Variants in DRC11 observed in about 807,000 individuals in gnomAD.
The protein encoded by DRC11 is dynein regulatory complex subunit 11, also known as IQ and AAA domain-containing protein 1.
the DRC11 span, among the ~76,000 whole-genome samples, chr2:236,357,057 T>TA: frequency 2.1e-4 from 9 of 43,362 alleles, 1 homozygote; most frequent in South Asian, 8.1e-4. Context: ...TATATATCTA[T>TA]TTATATATTC....
At chr2:236,350,842 G>A in the DRC11 span, among the ~76,000 whole-genome samples, 2 of 152,182 alleles carry the variant, frequency 1.3e-5, no homozygotes, top group Non-Finnish European at 2.9e-5. This position sits in a 1 kb window ranked among gnomAD's most constrained non-coding sequence, Gnocchi z 5.2. Context: ...ACCTTCCCCT[G>A]GGGAAGCTGA....
At chr2:236,461,831 T>C in the DRC11 span, among the ~76,000 whole-genome samples, 6 of 152,140 alleles carry the variant, frequency 3.9e-5, no homozygotes, top group African/African-American at 1.2e-4. This position sits in a 1 kb window ranked among gnomAD's most constrained non-coding sequence, Gnocchi z 4.0. Context: ...TTCCTAATCA[T>C]TGTGCCAAAC....
chr2:236,481,176 G>A, the DRC11 span, among the ~76,000 whole-genome samples: 3 of 152,164 alleles, frequency 2.0e-5, no homozygotes, highest in African/African-American at 7.2e-5. Context: ...TGTGGGCTGG[G>A]GATGCTAGTC....
At chr2:236,377,207 T>G in the DRC11 span, 2 of 1,491,560 alleles carry the variant, frequency 1.3e-6, no homozygotes, top group Non-Finnish European at 1.9e-6. The surrounding 1 kb of genome is among the most constrained non-coding windows in gnomAD (Gnocchi z 4.9). Context: ...GCAGAGTGTC[T>G]GTTCCAGAGG....
the DRC11 span, among the ~76,000 whole-genome samples, chr2:236,321,564 T>C: frequency 6.6e-6 from 1 of 150,918 alleles, no homozygotes; most frequent in Non-Finnish European, 1.5e-5. Context: ...AGCTATGGAG[T>C]GTTGGCTCTG....
chr2:236,343,338 C>A, the DRC11 span, among the ~76,000 whole-genome samples: 1 of 152,214 alleles, frequency 6.6e-6, no homozygotes, highest in Admixed American at 6.5e-5. The surrounding 1 kb of genome is among the most constrained non-coding windows in gnomAD (Gnocchi z 6.6). Flanking sequence ...GCCGCAAGCA[C>A]TGATGGCAAG....
the DRC11 span, among the ~76,000 whole-genome samples, chr2:236,356,462 C>T: frequency 1.4e-4 from 22 of 152,174 alleles, no homozygotes; most frequent in Non-Finnish European, 2.9e-5. Context: ...GTGGGGCATG[C>T]GGAGCCGATG....
At chr2:236,333,245 A>G in the DRC11 span, 1 of 151,534 alleles carries the variant, frequency 6.6e-6, no homozygotes, top group African/African-American at 2.4e-5. This position sits in a 1 kb window ranked among gnomAD's most constrained non-coding sequence, Gnocchi z 6.0. Context: ...TCATTAAAAC[A>G]TCAATTACAA....
At chr2:236,327,669 T>C in the DRC11 span, among the ~76,000 whole-genome samples, 2 of 152,294 alleles carry the variant, frequency 1.3e-5, no homozygotes, top group Admixed American at 1.3e-4. Context: ...CACAGACAAT[T>C]TATTCACTGA....
chr2:236,433,551 T>G, the DRC11 span, among the ~76,000 whole-genome samples: 5 of 152,224 alleles, frequency 3.3e-5, no homozygotes, highest in Admixed American at 6.5e-5. Flanking sequence ...TAGCTACTGT[T>G]TGCATGCACA....
the DRC11 span, among the ~76,000 whole-genome samples, chr2:236,402,064 G>T: frequency 2.0e-5 from 3 of 152,190 alleles, no homozygotes; most frequent in Non-Finnish European, 4.4e-5. The surrounding 1 kb of genome is among the most constrained non-coding windows in gnomAD (Gnocchi z 6.0). Flanking sequence ...ACTCTCCCCA[G>T]TGCGTGCCCC....
the DRC11 span, among the ~76,000 whole-genome samples, chr2:236,488,604 T>C: frequency 2.0e-5 from 3 of 152,212 alleles, no homozygotes; most frequent in African/African-American, 7.2e-5. Flanking sequence ...AAATTTAAAA[T>C]ATATATGAAG....
At chr2:236,489,669 C>A in the DRC11 span, among the ~76,000 whole-genome samples, 1 of 152,156 alleles carries the variant, frequency 6.6e-6, no homozygotes, top group Non-Finnish European at 1.5e-5. Flanking sequence ...CACCTGTAAT[C>A]CCAGCACTTT....
the DRC11 span, among the ~76,000 whole-genome samples, chr2:236,340,317 G>A: frequency 6.6e-6 from 1 of 152,272 alleles, no homozygotes; most frequent in African/African-American, 2.4e-5. Context: ...TACAGACAAG[G>A]TTTGCCATGT....
chr2:236,488,616 A>G, the DRC11 span, among the ~76,000 whole-genome samples: 1 of 152,238 alleles, frequency 6.6e-6, no homozygotes, highest in African/African-American at 2.4e-5. Flanking sequence ...TATATGAAGT[A>G]AAATGCTGAT....
At chr2:236,370,516 G>A in the DRC11 span, among the ~76,000 whole-genome samples, 3 of 152,066 alleles carry the variant, frequency 2.0e-5, no homozygotes, top group Admixed American at 2.0e-4. This position sits in a 1 kb window ranked among gnomAD's most constrained non-coding sequence, Gnocchi z 5.5. Context: ...GGAGGTCTGG[G>A]GGGCCTTCAT....
the DRC11 span, among the ~76,000 whole-genome samples, chr2:236,416,975 G>T: frequency 6.6e-6 from 1 of 151,590 alleles, no homozygotes; most frequent in East Asian, 2.0e-4. Flanking sequence ...GGTCAAGCTG[G>T]TCTTGAACTC....
the DRC11 span, among the ~76,000 whole-genome samples, chr2:236,393,157 T>C: frequency 6.6e-6 from 1 of 152,150 alleles, no homozygotes; most frequent in African/African-American, 2.4e-5. The surrounding 1 kb of genome is among the most constrained non-coding windows in gnomAD (Gnocchi z 4.7). Context: ...CTGGAATCTA[T>C]GTCGAGAATG....
chr2:236,308,951 G>A, the DRC11 span, among the ~76,000 whole-genome samples: 1 of 152,238 alleles, frequency 6.6e-6, no homozygotes, highest in Non-Finnish European at 1.5e-5. The surrounding 1 kb of genome is among the most constrained non-coding windows in gnomAD (Gnocchi z 6.0). Flanking sequence ...GGGGAGCTGT[G>A]AGTGGGAGCC....
Sources: allele counts gnomAD v4.1 joint callset (sites outside exome capture counted in the v4.1 genomes callset), GRCh38; gene constraint gnomAD v4.1.1; non-coding constraint Gnocchi (gnomAD v3.1); transcripts MANE v1.5; gene names NCBI Gene and HGNC (gene_info 2026-07-23, HGNC 2026-07-21).